The following MYO10 variants were observed in gnomAD, a reference collection of about 807,000 sequenced individuals.
MYO10 encodes the protein unconventional myosin-X.
MYO10 carries 133 observed loss-of-function variants against 257.3 expected under a neutral mutation model. The ratio of observed to expected loss-of-function variants is 0.52; its 90% confidence interval spans 0.45 to 0.60. The LOEUF (loss-of-function observed/expected upper bound fraction) is 0.60. Among genes scored for constraint, MYO10 ranks in the 20% least tolerant of loss-of-function variants. MYO10 has a pLI of 0.00. For missense variants in MYO10, 2,399 were observed against 2,635.7 expected, an observed-to-expected ratio of 0.91 and a Z score of 1.97; for synonymous variants, 1,104 against 1,028.6, an observed-to-expected ratio of 1.07 and a Z score of -1.40.
intron 28 of MYO10, among the ~76,000 whole-genome samples, chr5:16,688,280 A>G (rs1737338800): frequency 6.6e-6 from 1 of 152,050 alleles, no homozygotes; most frequent in South Asian, 2.1e-4. Flanking sequence ...GGGAAGAATT[A>G]TTTTCTGGTG....
intron 1 of MYO10, among the ~76,000 whole-genome samples, chr5:16,932,766 T>C (rs1214071244): frequency 1.4e-5 from 2 of 147,044 alleles, no homozygotes; most frequent in African/African-American, 2.5e-5. Context: ...TCTATCTAAT[T>C]AATCAATCAA....
intron 1 of MYO10, among the ~76,000 whole-genome samples, chr5:16,933,523 C>T (rs1746350645): frequency 6.6e-6 from 1 of 152,182 alleles, no homozygotes; most frequent in South Asian, 2.1e-4. Flanking sequence ...ACCCCTAAGC[C>T]ACAATGGGAA....
chr5:16,754,940 C>T (rs17429731), intron 18 of MYO10, 32 bp from the exon 19 acceptor site: 148,604 of 1,401,834 alleles, frequency 0.11, 8,502 homozygotes, highest in South Asian at 0.18. Context: ...GATTTAGTCT[C>T]TTATTATGTC....
chr5:16,686,701 A>G (rs951392407), intron 28 of MYO10, among the ~76,000 whole-genome samples: 1 of 147,698 alleles, frequency 6.8e-6, no homozygotes, highest in African/African-American at 2.4e-5. Context: ...AATTTTTGGT[A>G]TTTTCAGTAG....
intron 1 of MYO10, among the ~76,000 whole-genome samples, chr5:16,899,427 A>G (rs2560848): frequency 0.48 from 72,935 of 151,376 alleles, 17,643 homozygotes; most frequent in Admixed American, 0.55. Flanking sequence ...CTGAGGTCAG[A>G]AGTTCGAGAC....
chr5:16,759,687 A>T (rs1056974187), intron 17 of MYO10, among the ~76,000 whole-genome samples: 1 of 152,234 alleles, frequency 6.6e-6, no homozygotes, highest in African/African-American at 2.4e-5. Context: ...TCACTACGAC[A>T]AACTGCCTCT....
intron 2 of MYO10, among the ~76,000 whole-genome samples, chr5:16,856,096 A>C (rs987453746): frequency 1.3e-5 from 2 of 152,202 alleles, no homozygotes; most frequent in Non-Finnish European, 1.5e-5. Context: ...GAGATTGCAC[A>C]CGCCTGCATT....
chr5:16,797,848 A>T (rs555667352), intron 3 of MYO10, among the ~76,000 whole-genome samples: 1 of 152,358 alleles, frequency 6.6e-6, no homozygotes, highest in Non-Finnish European at 1.5e-5. Flanking sequence ...TGTAGAACTA[A>T]GATACAGGTT....
intron 1 of MYO10, among the ~76,000 whole-genome samples, chr5:16,922,647 G>A (rs1245295581): frequency 3.3e-5 from 5 of 152,128 alleles, no homozygotes; most frequent in Non-Finnish European, 2.9e-5. Flanking sequence ...AGGATCCTGG[G>A]CCAAGGCAAA....
chr5:16,718,144 C>A (rs909106130), intron 19 of MYO10, among the ~76,000 whole-genome samples: 3 of 152,216 alleles, frequency 2.0e-5, no homozygotes, highest in Admixed American at 1.3e-4. Flanking sequence ...TGCCAGCCCA[C>A]CGGCGCTGTG....
intron 19 of MYO10, among the ~76,000 whole-genome samples, chr5:16,723,153 G>A (rs181659902): frequency 1.3e-5 from 2 of 151,482 alleles, no homozygotes; most frequent in East Asian, 1.9e-4. Flanking sequence ...GAGGCAGGCG[G>A]ATCACGAGGT....
intron 19 of MYO10, among the ~76,000 whole-genome samples, chr5:16,737,572 A>T (rs1249849584): frequency 6.6e-6 from 1 of 152,260 alleles, no homozygotes; most frequent in African/African-American, 2.4e-5. Flanking sequence ...AAAAGCAATA[A>T]CAAATGCTAT....
At chr5:16,807,881 G>A (rs1394160177) in intron 3 of MYO10, among the ~76,000 whole-genome samples, 1 of 151,996 alleles carries the variant, frequency 6.6e-6, no homozygotes, top group Non-Finnish European at 1.5e-5. Flanking sequence ...TTGTCACCCT[G>A]AGCTATTGTT....
At chr5:16,886,790 G>T (rs1580115658) in intron 1 of MYO10, among the ~76,000 whole-genome samples, 1 of 151,990 alleles carries the variant, frequency 6.6e-6, no homozygotes, top group African/African-American at 2.4e-5. Flanking sequence ...AAATTAGCTG[G>T]ATGTGGTGGC....
At chr5:16,873,436 T>C (rs1201345905) in intron 2 of MYO10, among the ~76,000 whole-genome samples, 2 of 152,166 alleles carry the variant, frequency 1.3e-5, no homozygotes, top group African/African-American at 2.4e-5. Context: ...GTCTGCAGCT[T>C]TTCCAGGTGC....
At chr5:16,737,656 T>A (rs1428718039) in intron 19 of MYO10, among the ~76,000 whole-genome samples, 4 of 152,126 alleles carry the variant, frequency 2.6e-5, no homozygotes, top group Non-Finnish European at 5.9e-5. Flanking sequence ...AACCAAGAAA[T>A]CATCAGCATC....
At chr5:16,760,926 T>G (rs2126648940) in intron 17 of MYO10, among the ~76,000 whole-genome samples, 1 of 152,114 alleles carries the variant, frequency 6.6e-6, no homozygotes, top group East Asian at 1.9e-4. Context: ...TGTGGTTGGT[T>G]TATTTCAGTA....
chr5:16,881,647 C>T (rs752234978), intron 1 of MYO10, among the ~76,000 whole-genome samples: 3 of 152,172 alleles, frequency 2.0e-5, no homozygotes, highest in Non-Finnish European at 2.9e-5. Flanking sequence ...TTCATAGAAT[C>T]GGAATTGCAA....
chr5:16,813,218 T>C (rs887727553), intron 3 of MYO10, among the ~76,000 whole-genome samples: 2 of 152,068 alleles, frequency 1.3e-5, no homozygotes, highest in East Asian at 1.9e-4. Context: ...CTCAATGATA[T>C]GACTCAAAGG....
Sources: allele counts gnomAD v4.1 joint callset (sites outside exome capture counted in the v4.1 genomes callset), GRCh38; gene constraint gnomAD v4.1.1; transcripts MANE v1.5; gene names NCBI Gene and HGNC (gene_info 2026-07-23, HGNC 2026-07-21).